The following SCNN1B variants were observed in gnomAD, a reference collection of about 807,000 sequenced individuals.
SCNN1B encodes the protein epithelial sodium channel subunit beta.
SCNN1B carries 46 observed loss-of-function variants against 65.3 expected under a neutral mutation model. The observed-to-expected ratio is 0.70, with a 90% CI of 0.56 to 0.90. SCNN1B has a LOEUF of 0.90. SCNN1B is among the 40% of genes least tolerant of loss of function. The pLI is 0.00. For missense variants in SCNN1B, 751 were observed against 830.5 expected (o/e 0.90, Z 1.18); for synonymous variants, 349 against 330.6 (o/e 1.06, Z -0.60).
chr16:23,361,292 G>A (rs764417996), intron 4 of SCNN1B, among the ~76,000 whole-genome samples: 1 of 152,120 alleles, frequency 6.6e-6, no homozygotes, highest in African/African-American at 2.4e-5. Context: ...TCCAACTCCT[G>A]GACTCAAGTG....
At chr16:23,363,887 G>A (rs563449144) in intron 4 of SCNN1B, among the ~76,000 whole-genome samples, 242 of 151,978 alleles carry the variant, frequency 1.6e-3, no homozygotes, top group African/African-American at 4.8e-3. Flanking sequence ...TGGTTGAAGG[G>A]CCAGGTGCAG....
intron 1 of SCNN1B, among the ~76,000 whole-genome samples, chr16:23,306,600 C>A (rs1238077564): frequency 2.6e-5 from 4 of 152,318 alleles, no homozygotes; most frequent in East Asian, 3.9e-4. Context: ...GCTGCAATAC[C>A]TTTTCTGGCC....
intron 1 of SCNN1B, among the ~76,000 whole-genome samples, chr16:23,324,752 C>G (rs1961657626): frequency 6.6e-6 from 1 of 152,216 alleles, no homozygotes; most frequent in African/African-American, 2.4e-5. Flanking sequence ...ACTACCCTCT[C>G]CAAGTTGCCT....
intron 4 of SCNN1B, 116 bp from the exon 5 acceptor site, chr16:23,367,740 C>A: frequency 2.4e-6 from 2 of 826,670 alleles, no homozygotes; most frequent in Non-Finnish European, 4.2e-6. Flanking sequence ...TGACCTGTTG[C>A]TCGCCTCTCC....
At chr16:23,329,118 T>C (rs888814697) in intron 1 of SCNN1B, among the ~76,000 whole-genome samples, 6 of 144,276 alleles carry the variant, frequency 4.2e-5, no homozygotes, top group Non-Finnish European at 3.0e-5. Context: ...ATTATCATTA[T>C]TATTATTATT....
chr16:23,378,702 C>T lies in SCNN1B; in HGVS notation c.1405-4C>T. On this transcript the variant is annotated splice_polypyrimidine_tract_variant and splice_region_variant and intron_variant, in intron 10 of 12. Transcript: ENST00000343070. ...ACTTTTGCAACCACCTTCTTGGGTT[C>T]CAGGACTGGATTTTCCACGTCTTGT... 1.2e-6 allele frequency: 2 copies of T among 1,614,110 alleles called. No homozygotes were observed. Among genetic ancestry groups the T allele is most frequent in the Admixed American group, 3.3e-5 (2 of 60,024 alleles).
chr16:23,288,256 T>C (rs1173079984), intron 2 of SCNN1B, among the ~76,000 whole-genome samples: 1 of 152,216 alleles, frequency 6.6e-6, no homozygotes, highest in African/African-American at 2.4e-5. Flanking sequence ...GTATCAGTTA[T>C]ATGACTACCC....
chr16:23,341,429 A>G (rs1007413572), intron 1 of SCNN1B, among the ~76,000 whole-genome samples: 1 of 152,222 alleles, frequency 6.6e-6, no homozygotes, highest in African/African-American at 2.4e-5. Flanking sequence ...ACCAAAGCAC[A>G]CACGCAAAAA....
chr16:23,301,628 G>A (rs1961086488), upstream of SCNN1B, among the ~76,000 whole-genome samples: 2 of 152,156 alleles, frequency 1.3e-5, no homozygotes, highest in Admixed American at 6.5e-5. Context: ...AAAAGGAAGG[G>A]AAGATTCGAG....
At chr16:23,376,305 A>G (rs1029865447) in intron 8 of SCNN1B, among the ~76,000 whole-genome samples, 1 of 151,318 alleles carries the variant, frequency 6.6e-6, no homozygotes, top group Non-Finnish European at 1.5e-5. Flanking sequence ...GGCACAAATC[A>G]CTTCCAGGGT....
intron 2 of SCNN1B, among the ~76,000 whole-genome samples, chr16:23,291,523 ATATT>A (rs1877014014): frequency 6.6e-6 from 1 of 150,554 alleles, no homozygotes; most frequent in Admixed American, 6.6e-5. Flanking sequence ...TACCCATTAA[ATATT>A]TAGTTTGTAT....
chr16:23,321,455 T>A (rs1473181638), intron 1 of SCNN1B, among the ~76,000 whole-genome samples: 1 of 151,962 alleles, frequency 6.6e-6, no homozygotes. Flanking sequence ...CTGCTGTCCA[T>A]CCCAGGCAGG....
chr16:23,304,799 G>C (rs1178501636), intron 1 of SCNN1B, among the ~76,000 whole-genome samples: 1 of 152,066 alleles, frequency 6.6e-6, no homozygotes, highest in Admixed American at 6.6e-5. Context: ...CCCCTTCCTA[G>C]TTCAGGCAAT....
intron 2 of SCNN1B, among the ~76,000 whole-genome samples, chr16:23,287,464 C>T (rs977311731): frequency 1.3e-5 from 2 of 152,040 alleles, no homozygotes; most frequent in Admixed American, 6.6e-5. Flanking sequence ...GTAATCCCAA[C>T]ACTTTGGGAG....
At chr16:23,333,953 C>T (rs772222816) in intron 1 of SCNN1B, among the ~76,000 whole-genome samples, 24 of 152,182 alleles carry the variant, frequency 1.6e-4, no homozygotes, top group South Asian at 2.1e-4. Context: ...CCCTGTCTGC[C>T]CTTGAATGGG....
rs781219656 is a variant in SCNN1B, at chr16:23,367,976, C to T, written c.880+17C>T. The T allele has an allele frequency of 4.4e-6, 7 of 1,580,252 alleles. No individual in the cohort carries two copies. The highest frequency in any genetic ancestry group is 5.2e-6 in the Non-Finnish European group (6 of 1,149,288). ...CTGAATTCGGTGAGTTTTGGTTTAT[C>T]GTGGGGCCAGAGCCATGAGGCTTTA... On this transcript the variant is annotated intron_variant, in intron 5 of 12. Coordinates refer to ENST00000343070, the MANE Select transcript of SCNN1B (RefSeq NM_000336.3).
chr16:23,284,875 T>C (rs1414245995), intron 2 of SCNN1B, among the ~76,000 whole-genome samples: 1 of 152,196 alleles, frequency 6.6e-6, no homozygotes, highest in East Asian at 1.9e-4. Context: ...TTTTTAAATG[T>C]TGGCAAACAA....
intron 1 of SCNN1B, among the ~76,000 whole-genome samples, chr16:23,333,350 T>C (rs1449612795): frequency 1.3e-5 from 2 of 152,172 alleles, no homozygotes; most frequent in African/African-American, 4.8e-5. Context: ...ACTAGAGACC[T>C]TGGGGAGTAT....
chr16:23,355,514 G>A (rs765735118), intron 4 of SCNN1B, 25 bp downstream of exon 4: 45 of 1,611,916 alleles, frequency 2.8e-5, no homozygotes, highest in Admixed American at 1.0e-4. Context: ...AAGCCCACCC[G>A]GCCAGGCCCT....
Sources: gnomAD v4.1 joint callset for allele counts (sites outside exome capture counted in the v4.1 genomes callset) on GRCh38, gnomAD v4.1.1 for gene constraint, MANE v1.5 for transcripts, NCBI Gene and HGNC (gene_info 2026-07-23, HGNC 2026-07-21) for gene names.